TAC4: variants seen among roughly 807,000 people sequenced by gnomAD.
TAC4 encodes the protein tachykinin precursor 4.
TAC4 carries 17 observed loss-of-function variants against 17.7 expected under a neutral mutation model. That is an observed-to-expected ratio of 0.96 (90% confidence interval 0.66 to 1.44). The LOEUF (loss-of-function observed/expected upper bound fraction) is 1.44, where lower values mean the gene tolerates loss of function less well. Among genes scored for constraint, TAC4 ranks in the 40% most tolerant of loss-of-function variants. The pLI, the probability that TAC4 is intolerant of heterozygous loss-of-function variation, is 0.00. For missense variants in TAC4, 118 were observed against 125.6 expected (o/e 0.94, Z 0.29); for synonymous variants, 62 against 52.4 (o/e 1.18, Z -0.79).
intron 1 of TAC4, chr17:49,846,096 C>A: frequency 4.4e-6 from 3 of 687,008 alleles, no homozygotes; most frequent in African/African-American, 1.9e-5. Context: ...GGTTTCTGTG[C>A]CTGGTGGGGG....
In TAC4 at chr17:49,838,377, G is replaced by A. The variant is rs1598100079; in HGVS notation, c.*265C>T. The A allele has an allele frequency of 3.7e-5, 21 of 571,464 alleles. No individual in the cohort carries two copies. In the East Asian group the frequency reaches 6.4e-4, roughly 17 times the overall value. The allele number at this position is 571,464 out of a possible 1,614,324, so 35.4% of individuals were successfully genotyped here. On this transcript the variant is annotated 3_prime_UTR_variant, in exon 5 of 5. Coordinates refer to ENST00000436235, the MANE Select transcript of TAC4 (RefSeq NM_001077506.2). ...AGAGTGTGCGAGTCTCCTCACTGCT[G>A]TGCAGTGAGATGCCAACTCTGAGTG...
At position 49,848,055 on chromosome 17, in the gene TAC4, T is replaced by C; in HGVS notation, c.-38A>G. The C allele has an allele frequency of 6.2e-7, 1 of 1,610,724 alleles. No homozygotes were observed. Among genetic ancestry groups the C allele is most frequent in the Middle Eastern group, 1.7e-4 (1 of 6,050 alleles). On this transcript the variant is annotated 5_prime_UTR_variant, in exon 1 of 5. Coordinates refer to ENST00000436235, the MANE Select transcript of TAC4 (RefSeq NM_001077506.2). Reference sequence around the variant, plus strand: ...CTGTCCTGGAATCTCTGGGAGCCCCTCTCAGCTTGAAGATGCCTCCTGCAG... The same window carrying C: ...CTGTCCTGGAATCTCTGGGAGCCCCCCTCAGCTTGAAGATGCCTCCTGCAG...
chr17:49,841,732 G>A, intron 2 of TAC4, 148 bp from the exon 3 acceptor site: 1 of 797,500 alleles, frequency 1.3e-6, no homozygotes, highest in Non-Finnish European at 1.8e-6. Context: ...CTCTGTGGCA[G>A]TAGGAATGTG....
chr17:49,839,143 C>T (rs1192545903), intron 4 of TAC4, among the ~76,000 whole-genome samples: 2 of 152,102 alleles, frequency 1.3e-5, no homozygotes, highest in Non-Finnish European at 2.9e-5. Flanking sequence ...TGGAATGAGT[C>T]GAGCAGGTGT....
rs2144038615 is a variant in TAC4, at chr17:49,841,552, CT to C, written c.231del (p.Ala78HisfsTer101). The C allele has an allele frequency of 4.4e-6, 7 of 1,581,822 alleles. No individual in the cohort carries two copies. The highest frequency in any genetic ancestry group is 3.6e-5 in the Admixed American group (2 of 55,908). On this transcript the variant is annotated frameshift_variant and splice_region_variant, in exon 3 of 5. Transcript: ENST00000436235. LOFTEE classifies it high-confidence loss of function. ...GRPLIQPRRK[K>X]AYQLEHTFQG... ...GAAGGCAGGTTTGGGCAATACTTAC[CT>C]TTTTTTCTCCTTGGCTGGATCAGAG... is the stretch of plus-strand genomic sequence containing the variant.
intron 1 of TAC4, chr17:49,846,277 CA>C (rs1172026633): frequency 1.1e-5 from 13 of 1,142,666 alleles, no homozygotes; most frequent in Admixed American, 1.1e-4. Context: ...CCTGTTACCT[CA>C]TTTTTTTTTT....
chr17:49,847,233 CTTA>C, intron 1 of TAC4: 3 of 1,290,086 alleles, frequency 2.3e-6, no homozygotes, highest in Non-Finnish European at 3.0e-6. Context: ...GCACTGGCCT[CTTA>C]TTTACCCGTC....
intron 2 of TAC4, among the ~76,000 whole-genome samples, chr17:49,843,632 C>G (rs1024802497): frequency 6.6e-6 from 1 of 152,168 alleles, no homozygotes; most frequent in Non-Finnish European, 1.5e-5. Flanking sequence ...CTCGCTTTGT[C>G]GCCCAGGCTG....
intron 2 of TAC4, among the ~76,000 whole-genome samples, chr17:49,842,136 C>T (rs1489799255): frequency 2.6e-5 from 4 of 151,324 alleles, no homozygotes; most frequent in Non-Finnish European, 5.9e-5. Context: ...GATCTCCTGA[C>T]CTCATGATCT....
intron 2 of TAC4, among the ~76,000 whole-genome samples, chr17:49,841,920 T>TG (rs2144039810): frequency 7.1e-6 from 1 of 141,176 alleles, no homozygotes; most frequent in Admixed American, 6.9e-5. Context: ...TTTTTTTTTT[T>TG]TTTTTGAGAG....
intron 2 of TAC4, among the ~76,000 whole-genome samples, chr17:49,842,494 C>T (rs2074506078): frequency 6.6e-6 from 1 of 151,604 alleles, no homozygotes; most frequent in African/African-American, 2.4e-5. Context: ...TGCGCCATTG[C>T]ACTCCAGCCC....
chr17:49,846,139 C>T (rs1022435972), intron 1 of TAC4: 69 of 1,171,322 alleles, frequency 5.9e-5, no homozygotes, highest in East Asian at 1.8e-4. Flanking sequence ...CCATTCACTC[C>T]GACAGGACTC....
intron 3 of TAC4, among the ~76,000 whole-genome samples, chr17:49,841,265 T>TC (rs1169423540): frequency 6.6e-6 from 1 of 150,714 alleles, no homozygotes; most frequent in African/African-American, 2.5e-5. Flanking sequence ...TTTTTTTTTT[T>TC]TCTAATTCCA....
chr17:49,841,802 G>T (rs1195522049), intron 2 of TAC4, among the ~76,000 whole-genome samples: 1 of 151,962 alleles, frequency 6.6e-6, no homozygotes, highest in African/African-American at 2.4e-5. Flanking sequence ...ACTGGCACCT[G>T]GTGCCAGCTG....
chr17:49,839,752 G>C, intron 4 of TAC4, 98 bp downstream of exon 4: 2 of 1,166,290 alleles, frequency 1.7e-6, no homozygotes, highest in Non-Finnish European at 2.4e-6. Flanking sequence ...TGGGGAGCCT[G>C]TCTGTCTAGC....
chr17:49,838,953 G>A (rs1366060844), intron 4 of TAC4, among the ~76,000 whole-genome samples: 7 of 152,162 alleles, frequency 4.6e-5, no homozygotes, highest in Non-Finnish European at 1.0e-4. Context: ...GGGTGACATG[G>A]ACTAGGAAGC....
intron 1 of TAC4, among the ~76,000 whole-genome samples, chr17:49,845,629 A>G (rs2074532327): frequency 6.6e-6 from 1 of 152,154 alleles, no homozygotes; most frequent in African/African-American, 2.4e-5. Flanking sequence ...ATAGACAAAC[A>G]GAGCCCTAGA....
chr17:49,843,951 T>C (rs1598104541), intron 2 of TAC4, 113 bp downstream of exon 2: 1 of 891,574 alleles, frequency 1.1e-6, no homozygotes, highest in Middle Eastern at 2.2e-4. Flanking sequence ...CGACCCCTAC[T>C]GGACTGGAGT....
At chr17:49,847,718 C>T in intron 1 of TAC4, 195 bp downstream of exon 1, 2 of 736,548 alleles carry the variant, frequency 2.7e-6, no homozygotes, top group East Asian at 2.8e-5. Context: ...CACACACACA[C>T]ACACACACTT....
Sources: gnomAD v4.1 joint callset for allele counts (sites outside exome capture counted in the v4.1 genomes callset) on GRCh38, gnomAD v4.1.1 for gene constraint, MANE v1.5 for transcripts, NCBI Gene and HGNC (gene_info 2026-07-23, HGNC 2026-07-21) for gene names.